Variants in WHRN observed in about 807,000 individuals in gnomAD.
The protein encoded by WHRN is whirlin.
WHRN carries 41 observed loss-of-function variants against 68.3 expected under a neutral mutation model. That is an observed-to-expected ratio of 0.60 (90% CI 0.47 to 0.78). The LOEUF (loss-of-function observed/expected upper bound fraction) is 0.78, where lower values mean the gene tolerates loss of function less well. Ranked by LOEUF, WHRN falls within the 30% of genes least tolerant of loss-of-function variation. The probability of loss-of-function intolerance (pLI) is 0.00; values close to 1 mark genes in which losing one functional copy is unlikely to be tolerated. For missense variants in WHRN, 1,243 were observed against 1,244.7 expected (o/e 1.00, Z 0.02); for synonymous variants, 560 against 561.3 (o/e 1.00, Z 0.03).
chr9:114,471,220 T>C (rs1841193247), intron 2 of WHRN, among the ~76,000 whole-genome samples: 3 of 151,990 alleles, frequency 2.0e-5, no homozygotes, highest in Admixed American at 2.0e-4. Flanking sequence ...AATAGAATAA[T>C]AACTCAGGCA....
rs79509430 is a variant in WHRN at position 114,478,626 on chromosome 9, C to T, written c.764G>A (p.Gly255Asp). The change falls in exon 2 of 12, where the codon GGT (glycine) becomes GAT (aspartate). Residue 255 changes from glycine to aspartate, a missense_variant. By Grantham distance (94) the Gly-to-Asp change is moderately conservative. Transcript: ENST00000362057. ...SPPSGLPQPH[G>D]GALRQQEGDR... ...ACCCTCCTGCTGCCTCAGGGCACCACCGTGGGGCTGGGGCAGGCCCGAGGG... is the reference window on the plus strand; with the variant it reads ...ACCCTCCTGCTGCCTCAGGGCACCATCGTGGGGCTGGGGCAGGCCCGAGGG... 1,283 of 1,614,008 alleles carry T rather than the reference C, an allele frequency of 7.9e-4. 17 individuals carry two copies. The African/African-American group carries it at 0.015, about 19-fold the overall frequency.
intron 3 of WHRN, among the ~76,000 whole-genome samples, chr9:114,448,030 T>A (rs148908406): frequency 4.6e-4 from 70 of 152,284 alleles, no homozygotes; most frequent in South Asian, 1.7e-3. Flanking sequence ...GGCCCTGTCA[T>A]GCCATCACAG....
chr9:114,450,622 G>A (rs1482434779), intron 3 of WHRN, among the ~76,000 whole-genome samples: 1 of 152,162 alleles, frequency 6.6e-6, no homozygotes, highest in Non-Finnish European at 1.5e-5. Flanking sequence ...TGCATCAAGT[G>A]CTTGCTAGAG....
At chr9:114,425,569 A>G in intron 4 of WHRN, 1 of 225,362 alleles carries the variant, frequency 4.4e-6, no homozygotes. Context: ...ATGCAGGTGA[A>G]AGGAAGGGAA....
chr9:114,403,099 A>T (rs1261152209), intron 11 of WHRN, 118 bp downstream of exon 11: 27 of 1,554,820 alleles, frequency 1.7e-5, no homozygotes, highest in Non-Finnish European at 2.3e-5. Context: ...AGGTGACATA[A>T]GCCTAGGTCT....
chr9:114,428,943 T>C (rs1837151725), intron 3 of WHRN, among the ~76,000 whole-genome samples: 1 of 151,096 alleles, frequency 6.6e-6, no homozygotes, highest in Non-Finnish European at 1.5e-5. Context: ...TTTTTTTTTT[T>C]TCTTGGAGAC....
At chr9:114,463,855 C>A (rs763593609) in intron 3 of WHRN, among the ~76,000 whole-genome samples, 5 of 152,192 alleles carry the variant, frequency 3.3e-5, no homozygotes, top group Admixed American at 1.3e-4. Context: ...CATCTCCTAC[C>A]CATCTGGCTG....
intron 3 of WHRN, among the ~76,000 whole-genome samples, chr9:114,465,056 G>A (rs1036695376): frequency 1.3e-5 from 2 of 152,040 alleles, no homozygotes; most frequent in Non-Finnish European, 2.9e-5. Context: ...ACAGGTGGAG[G>A]GACTCTCCAA....
At position 114,403,248 on chromosome 9, in the gene WHRN, C is replaced by A; in HGVS notation, c.2510G>T (p.Arg837Leu). The A allele has an allele frequency of 6.2e-7, 1 of 1,614,148 alleles. No homozygotes were observed. The highest frequency in any genetic ancestry group is 8.5e-7 in the Non-Finnish European group (1 of 1,180,022). ...GIAIEGGANTRQPLPRIVTIQ... is the reference protein window; with the variant it reads ...GIAIEGGANTLQPLPRIVTIQ... ...AGTGACAATCCTAGGCAGGGGCTGG[C>A]GGGTGTTGGCGCCACCCTCGATGGC... Residue 837 changes from arginine to leucine, a missense_variant, in exon 11 of 12, where the codon CGC (arginine) becomes CTC (leucine). Coordinates refer to ENST00000362057, the MANE Select transcript of WHRN (RefSeq NM_015404.4).
chr9:114,426,448 C>T (rs1448214873), intron 3 of WHRN, 35 bp from the exon 4 acceptor site: 2 of 1,611,800 alleles, frequency 1.2e-6, no homozygotes, highest in Non-Finnish European at 1.7e-6. Flanking sequence ...GTCACCTGGG[C>T]TGTTTGCAGG....
intron 3 of WHRN, among the ~76,000 whole-genome samples, chr9:114,454,547 A>T (rs956440604): frequency 3.9e-5 from 6 of 152,196 alleles, no homozygotes; most frequent in Non-Finnish European, 7.3e-5. Context: ...CTTCAGGCTG[A>T]CAATTACAGA....
chr9:114,434,751 C>T (rs1771658213), intron 3 of WHRN, among the ~76,000 whole-genome samples: 2 of 152,154 alleles, frequency 1.3e-5, no homozygotes, highest in African/African-American at 4.8e-5. Context: ...ACCACCTTGC[C>T]CGATACTTTC....
At chr9:114,465,132 A>G (rs1840569644) in intron 3 of WHRN, among the ~76,000 whole-genome samples, 1 of 152,122 alleles carries the variant, frequency 6.6e-6, no homozygotes, top group South Asian at 2.1e-4. Context: ...CCTACTGCAA[A>G]CCCAGAGCTC....
At chr9:114,447,891 G>C (rs144419673) in intron 3 of WHRN, among the ~76,000 whole-genome samples, 139 of 152,264 alleles carry the variant, frequency 9.1e-4, no homozygotes, top group African/African-American at 3.3e-3. Flanking sequence ...ACAAAGATGA[G>C]TACTATCAGC....
chr9:114,490,968 A>G (rs1842924786), intron 1 of WHRN, among the ~76,000 whole-genome samples: 1 of 152,252 alleles, frequency 6.6e-6, no homozygotes, highest in African/African-American at 2.4e-5. Context: ...AAATTGCTTT[A>G]TAAATGTTCT....
intron 3 of WHRN, among the ~76,000 whole-genome samples, chr9:114,436,858 C>A (rs1312146910): frequency 6.6e-6 from 1 of 151,386 alleles, no homozygotes; most frequent in African/African-American, 2.4e-5. Context: ...ATAAATAAAT[C>A]AATTTTAAAA....
At chr9:114,477,016 A>G (rs958896012) in intron 2 of WHRN, among the ~76,000 whole-genome samples, 4 of 152,086 alleles carry the variant, frequency 2.6e-5, no homozygotes, top group Non-Finnish European at 5.9e-5. Flanking sequence ...TTCTCTCAAG[A>G]TTGTCAGAGA....
At chr9:114,456,137 C>CT (rs1839771451) in intron 3 of WHRN, among the ~76,000 whole-genome samples, 1 of 61,368 alleles carries the variant, frequency 1.6e-5, no homozygotes, top group African/African-American at 5.7e-5. Flanking sequence ...AAAAAAAACT[C>CT]TAAAAAAAAA....
chr9:114,422,184 G>A lies in WHRN; in HGVS notation c.1626+1130C>T, dbSNP rs192904993. ...CTAATACCGTATCTACCTCCAGTCT[G>A]AGATTCCTCCAGAAAGAGCTCTCAG... On this transcript the variant is annotated intron_variant, in intron 7 of 11. Transcript: ENST00000362057. 5.0e-3 allele frequency among the ~76,000 whole-genome samples: 763 copies of A among 152,252 alleles called. 13 individuals carry two copies. Among genetic ancestry groups the A allele is most frequent in the Non-Finnish European group, 6.9e-3 (466 of 68,016 alleles).
Sources: gnomAD v4.1 joint callset for allele counts (sites outside exome capture counted in the v4.1 genomes callset) on GRCh38, gnomAD v4.1.1 for gene constraint, MANE v1.5 for transcripts, NCBI Gene and HGNC (gene_info 2026-07-23, HGNC 2026-07-21) for gene names.